The following STK32B variants were observed in gnomAD, a reference collection of about 807,000 sequenced individuals.
The protein encoded by STK32B is serine/threonine kinase 32B, also known as serine/threonine-protein kinase 32B.
STK32B carries 43 observed loss-of-function variants against 52.6 expected under a neutral mutation model. The ratio of observed to expected loss-of-function variants is 0.82; its 90% CI spans 0.64 to 1.05. The LOEUF (loss-of-function observed/expected upper bound fraction) is 1.05, where lower values mean the gene tolerates loss of function less well. Ranked by LOEUF, STK32B falls within the 50% of genes least tolerant of loss-of-function variation. STK32B has a pLI of 0.00. For synonymous variants in STK32B, 238 were observed against 204.3 expected (o/e 1.17, Z -1.41); for missense variants, 621 against 534.6 (o/e 1.16, Z -1.59).
intron 11 of STK32B, among the ~76,000 whole-genome samples, chr4:5,487,941 A>G (rs1162688958): frequency 6.6e-6 from 1 of 152,220 alleles, no homozygotes; most frequent in Non-Finnish European, 1.5e-5. Context: ...ATCAGGCTTT[A>G]GGAACAAAGC....
rs142048966 is a variant in STK32B, at chr4:5,154,407, G to A, written c.109-13892G>A. On this transcript the variant is annotated intron_variant, in intron 2 of 11. Coordinates refer to ENST00000282908, the MANE Select transcript of STK32B (RefSeq NM_018401.3). Reference sequence around the variant, plus strand: ...ATTTTGTATTTTTAGTAGAGATGGCGTTTCACCATGTTGGTCAGGCTGGTC... The same window carrying A: ...ATTTTGTATTTTTAGTAGAGATGGCATTTCACCATGTTGGTCAGGCTGGTC... Among the ~76,000 whole-genome samples, 1,414 of 152,104 alleles carry A rather than the reference G, an allele frequency of 9.3e-3. 16 individuals carry two copies. The highest frequency in any genetic ancestry group is 0.032 in the African/African-American group (1,342 of 41,486).
intron 3 of STK32B, among the ~76,000 whole-genome samples, chr4:5,209,434 A>G (rs1365044945): frequency 6.6e-6 from 1 of 152,056 alleles, no homozygotes; most frequent in African/African-American, 2.4e-5. Context: ...ATGTTGCCCA[A>G]GCTGTTCTCA....
intron 4 of STK32B, among the ~76,000 whole-genome samples, chr4:5,359,047 G>A (rs987151747): frequency 3.3e-5 from 5 of 152,208 alleles, no homozygotes; most frequent in African/African-American, 4.8e-5. Flanking sequence ...AATGTTCTAC[G>A]TGGGCTCACT....
chr4:5,206,451 A>G (rs1007725011), intron 3 of STK32B, among the ~76,000 whole-genome samples: 1 of 152,068 alleles, frequency 6.6e-6, no homozygotes, highest in African/African-American at 2.4e-5. Context: ...TATGGCGGTT[A>G]TTGCATGGAG....
At chr4:5,438,107 C>T in intron 6 of STK32B, 1 of 985,580 alleles carries the variant, frequency 1.0e-6, no homozygotes, top group Non-Finnish European at 1.2e-6. Context: ...TCGGCACACA[C>T]AGCCATTCTG....
chr4:5,168,512 G>T, intron 3 of STK32B, 62 bp downstream of exon 3: 1 of 1,533,226 alleles, frequency 6.5e-7, no homozygotes, highest in Non-Finnish European at 8.8e-7. Context: ...ATGCAAATTC[G>T]CCTCTGCTAG....
At position 5,173,246 on chromosome 4, in the gene STK32B, A is replaced by G. The variant is rs563019203; in HGVS notation, c.260+4796A>G. Among the ~76,000 whole-genome samples the G allele has an allele frequency of 3.9e-5, 6 of 152,252 alleles. No individual in the cohort carries two copies. In the East Asian group the frequency reaches 9.6e-4, roughly 24 times the overall value. On this transcript the variant is annotated intron_variant, in intron 3 of 11. Coordinates refer to ENST00000282908, the MANE Select transcript of STK32B (RefSeq NM_018401.3). ...GTCTATCAATTTTGTTGATCTTTCA[A>G]AAAACCAGCTCCTGGATTCATTGAT...
intron 1 of STK32B, among the ~76,000 whole-genome samples, chr4:5,113,865 G>A (rs1051272902): frequency 7.2e-5 from 11 of 152,234 alleles, no homozygotes; most frequent in Non-Finnish European, 1.0e-4. Context: ...AAGGAGGACC[G>A]AATCACATCT....
intron 3 of STK32B, among the ~76,000 whole-genome samples, chr4:5,295,668 C>T (rs10000145): frequency 0.14 from 20,817 of 151,416 alleles, 2,851 homozygotes; most frequent in African/African-American, 0.36. Context: ...CTCTCTTTTC[C>T]TCTTCATTAG....
intron 3 of STK32B, among the ~76,000 whole-genome samples, chr4:5,241,550 A>G (rs531539665): frequency 6.6e-6 from 1 of 151,478 alleles, no homozygotes; most frequent in South Asian, 2.1e-4. Context: ...GTTATAAATT[A>G]TTTTATTTTA....
intron 8 of STK32B, among the ~76,000 whole-genome samples, chr4:5,459,290 C>CA (rs1279442805): frequency 6.7e-6 from 1 of 149,812 alleles, no homozygotes; most frequent in African/African-American, 2.5e-5. Flanking sequence ...GTGCCCCCCC[C>CA]CCCCACCTTT....
At position 5,394,286 on chromosome 4, in the gene STK32B, T is replaced by C. The variant is rs16837110; in HGVS notation, c.435-3921T>C. On this transcript the variant is annotated intron_variant, in intron 4 of 11. Coordinates refer to ENST00000282908, the MANE Select transcript of STK32B (RefSeq NM_018401.3). The surrounding 1 kb of genome is among the most constrained non-coding windows in gnomAD (Gnocchi z 4.2). ...TTTTGCCCAACTCTGAAATTATGGG[T>C]CTGTCCTCAGGAAACATCGTCACCG... is the stretch of plus-strand genomic sequence containing the variant. Among the ~76,000 whole-genome samples the C allele has an allele frequency of 0.036, 5,479 of 152,236 alleles. 153 individuals are homozygous for C. The highest frequency in any genetic ancestry group is 0.084 in the East Asian group (433 of 5,168).
At chr4:5,449,096 C>A (rs1577521075) in intron 7 of STK32B, among the ~76,000 whole-genome samples, 3 of 152,276 alleles carry the variant, frequency 2.0e-5, no homozygotes, top group East Asian at 1.9e-4. Context: ...AATCCCAGTT[C>A]TTTGGGAGGC....
rs150876208 is a variant in STK32B, at chr4:5,112,551, T to G, written c.53-27354T>G. Among the ~76,000 whole-genome samples, 194 of 152,282 alleles carry G rather than the reference T, an allele frequency of 1.3e-3. 1 individual carries two copies. The highest frequency in any genetic ancestry group is 4.1e-3 in the African/African-American group (171 of 41,540). The stretch of plus-strand genomic sequence containing the variant: ...TCAGCCTTTAGTTCTCTTCAGACCT[T>G]TAGCTGATTGGAAGAGGGCCACCCA... On this transcript the variant is annotated intron_variant, in intron 1 of 11. Coordinates refer to ENST00000282908, the MANE Select transcript of STK32B (RefSeq NM_018401.3).
At position 5,107,837 on chromosome 4, in the gene STK32B, AT is replaced by A. The variant is rs199981495; in HGVS notation, c.53-32060del. Among the ~76,000 whole-genome samples, 12 of 152,008 alleles carry A rather than the reference AT, an allele frequency of 7.9e-5. No homozygotes were observed. The South Asian group carries it at 1.0e-3, about 13-fold the overall frequency. ...TTAAAATTGAGGCTCATGTGAACTCATTTTTTTTGTAAATTCTATGCATTTT... is the reference window on the plus strand; with the variant it reads ...TTAAAATTGAGGCTCATGTGAACTCATTTTTTTGTAAATTCTATGCATTTT... On this transcript the variant is annotated intron_variant, in intron 1 of 11. Coordinates refer to ENST00000282908, the MANE Select transcript of STK32B (RefSeq NM_018401.3).
intron 2 of STK32B, among the ~76,000 whole-genome samples, chr4:5,159,276 G>A (rs1449680132): frequency 6.6e-6 from 1 of 151,916 alleles, no homozygotes; most frequent in South Asian, 2.1e-4. Context: ...TGAGCTTTGT[G>A]TGCTCACACT....
chr4:5,498,880 G>A (rs1720499758), intron 11 of STK32B, 65 bp from the exon 12 acceptor site: 9 of 1,518,772 alleles, frequency 5.9e-6, no homozygotes, highest in South Asian at 1.3e-5. Flanking sequence ...TGCCCAGTGT[G>A]TCTCCTGGAT....
chr4:5,474,902 G>A (rs905729605), intron 11 of STK32B, among the ~76,000 whole-genome samples: 1 of 152,152 alleles, frequency 6.6e-6, no homozygotes, highest in African/African-American at 2.4e-5. Context: ...TGGAGGGGAG[G>A]GAAGAGCTCA....
intron 3 of STK32B, among the ~76,000 whole-genome samples, chr4:5,315,297 A>G (rs1730592102): frequency 6.6e-6 from 1 of 152,168 alleles, no homozygotes; most frequent in Admixed American, 6.5e-5. Context: ...CACCTGTCAG[A>G]ATGGCTAGCT....
Sources: gnomAD v4.1 joint callset for allele counts (sites outside exome capture counted in the v4.1 genomes callset) on GRCh38, gnomAD v4.1.1 for gene constraint, Gnocchi (gnomAD v3.1) non-coding constraint, MANE v1.5 for transcripts, NCBI Gene and HGNC (gene_info 2026-07-23, HGNC 2026-07-21) for gene names.